Variants in MGAM2 observed in about 807,000 individuals in gnomAD.
MGAM2 encodes probable maltase-glucoamylase 2.
In MGAM2, 98 loss-of-function variants were observed where a neutral mutation model predicts 96.1. The observed-to-expected ratio is 1.02, with a 90% CI of 0.87 to 1.21. The LOEUF (loss-of-function observed/expected upper bound fraction) is 1.21. Among genes scored for constraint, MGAM2 ranks in the 50% most tolerant of loss-of-function variants. MGAM2 has a pLI of 0.00. For synonymous variants in MGAM2, 749 were observed against 414.8 expected (o/e 1.81, Z -9.79); for missense variants, 2,055 against 1,182.4 (o/e 1.74, Z -10.82).
In MGAM2 at chr7:142,154,194, G is replaced by T; in HGVS notation, c.1806+5G>T. The T allele has an allele frequency of 1.7e-6, 1 of 594,526 alleles. No individual in the cohort carries two copies. Among genetic ancestry groups the T allele is most frequent in the South Asian group, 2.0e-5 (1 of 50,410 alleles). 36.8% of individuals were successfully genotyped at this position (594,526 alleles called of 1,614,324 possible). On this transcript the variant is annotated splice_donor_5th_base_variant and intron_variant, in intron 16 of 47. Transcript: ENST00000477922. ...AACCTGTTTGGCATCCCCATGGTGAGCCTTATTTCCAACCAGGGAACTTTA... is the reference window on the plus strand; with the variant it reads ...AACCTGTTTGGCATCCCCATGGTGATCCTTATTTCCAACCAGGGAACTTTA...
At chr7:142,174,356 A>G in intron 31 of MGAM2, among the ~76,000 whole-genome samples, 1 of 152,154 alleles carries the variant, frequency 6.6e-6, no homozygotes, top group Non-Finnish European at 1.5e-5. Flanking sequence ...TTCTTTGAAC[A>G]GTGGTTTGTA....
chr7:142,159,342 C>G lies in MGAM2; in HGVS notation c.2219C>G (p.Thr740Arg). 1 of 702,376 alleles carries G rather than the reference C, an allele frequency of 1.4e-6. No individual in the cohort carries two copies. Among genetic ancestry groups the G allele is most frequent in the Non-Finnish European group, 2.6e-6 (1 of 384,534 alleles). 43.5% of individuals were successfully genotyped at this position (702,376 alleles called of 1,614,324 possible). Residue 740 changes from threonine to arginine, a missense_variant and splice_region_variant, in exon 20 of 48, where the codon ACA (threonine) becomes AGA (arginine). By Grantham distance (71) the Thr-to-Arg change is moderately conservative. Transcript: ENST00000477922. ...IPDATWYDYE[T>R]GVAISWRKQL... ...GATGCCACCTGGTATGACTATGAGACAGTAAGTAAGGCAGCCCTGGTTGGC... is the reference window on the plus strand; with the variant it reads ...GATGCCACCTGGTATGACTATGAGAGAGTAAGTAAGGCAGCCCTGGTTGGC...
At position 142,131,000 on chromosome 7, in the gene MGAM2, A is replaced by G. The variant is rs746128571; in HGVS notation, c.239A>G (p.Asn80Ser). The G allele has an allele frequency of 2.8e-6, 2 of 702,590 alleles. No homozygotes were observed. The highest frequency in any genetic ancestry group is 1.7e-5 in the African/African-American group (1 of 57,254). 43.5% of individuals were successfully genotyped at this position (702,590 alleles called of 1,614,324 possible). A position where few individuals can be genotyped will look rare whatever the true frequency, so the allele number is the denominator to read the frequency against. Residue 80 changes from asparagine to serine, a missense_variant, in exon 4 of 48, where the codon AAT becomes AGT. By Grantham distance (46) the Asn-to-Ser change is conservative. Transcript: ENST00000477922. Reference sequence around the variant, plus strand: ...TGCTGGTCGCCTGTGGCAGATGCCAATGTCCCTAGGTGCTTCTTCCCCTGG... The same window carrying G: ...TGCTGGTCGCCTGTGGCAGATGCCAGTGTCCCTAGGTGCTTCTTCCCCTGG... ...KCCWSPVADA[N>S]VPRCFFPWNW...
intron 17 of MGAM2, among the ~76,000 whole-genome samples, chr7:142,156,547 T>C (rs2129085162): frequency 6.6e-6 from 1 of 152,342 alleles, no homozygotes; most frequent in African/African-American, 2.4e-5. Context: ...TCAATAAACA[T>C]AGTTCAAGTG....
chr7:142,152,188 C>T lies in MGAM2; in HGVS notation c.1635-1830C>T, dbSNP rs894789140. On this transcript the variant is annotated intron_variant, in intron 15 of 47. Coordinates refer to ENST00000477922, the MANE Select transcript of MGAM2 (RefSeq NM_001293626.2). ...AAGATGTTTAAAAAAAAAAAAAAAC[C>T]CAGCAGTTATCTAATCTGTTTTACC... 3.3e-5 allele frequency among the ~76,000 whole-genome samples: 5 copies of T among 151,234 alleles called. No individual in the cohort carries two copies. The East Asian group carries it at 7.8e-4, about 24-fold the overall frequency.
At chr7:142,139,913 AT>A (rs1206694679) in intron 10 of MGAM2, among the ~76,000 whole-genome samples, 4 of 151,986 alleles carry the variant, frequency 2.6e-5, no homozygotes, top group Non-Finnish European at 5.9e-5. Flanking sequence ...TCCAGGAAGA[AT>A]TTTCTTCCGC....
At chr7:142,201,071 CTTTT>C (rs72092512) in intron 45 of MGAM2, among the ~76,000 whole-genome samples, 1 of 84,380 alleles carries the variant, frequency 1.2e-5, no homozygotes, top group Non-Finnish European at 2.1e-5. Context: ...CATCCTTTTT[CTTTT>C]TTTTTTCTTT....
rs979193786 is a variant in MGAM2 at position 142,137,472 on chromosome 7, C to T, written c.887C>T (p.Thr296Met). 46 of 701,898 alleles carry T rather than the reference C, an allele frequency of 6.6e-5. No homozygotes were observed. Among genetic ancestry groups the T allele is most frequent in the African/African-American group, 5.2e-4 (30 of 57,288 alleles). The allele number at this position is 701,898 out of a possible 1,614,324, so 43.5% of individuals were successfully genotyped here. Residue 296 changes from threonine (T) to methionine (M), a missense_variant, in exon 9 of 48, where the codon ACG (threonine) becomes ATG (methionine). Coordinates refer to ENST00000477922, the MANE Select transcript of MGAM2 (RefSeq NM_001293626.2). ...CCAGCTCCTGCGATCACTTATCGCA[C>T]GATTGGAGGCATTCTTGACTTTTAC... Reference protein sequence around the residue: ...LQPAPAITYRTIGGILDFYVF... With the variant: ...LQPAPAITYRMIGGILDFYVF...
chr7:142,129,379 C>G (rs1224561574), intron 3 of MGAM2, among the ~76,000 whole-genome samples: 1 of 152,010 alleles, frequency 6.6e-6, no homozygotes, highest in African/African-American at 2.4e-5. Context: ...CTTTAAGGGA[C>G]TATTGGAAGG....
Position 142,141,024 on chromosome 7 carries a change from C to T in MGAM2, c.1222C>T (p.Pro408Ser), listed in dbSNP as rs761929592. Reference protein sequence around the residue: ...NGQKYLIIMNPGISKNSNYEP... With the variant: ...NGQKYLIIMNSGISKNSNYEP... ...TTATATCGTATTTCTTTATTAGAATCCTGGCATCTCCAAAAACTCTAACTA... is the reference window on the plus strand; with the variant it reads ...TTATATCGTATTTCTTTATTAGAATTCTGGCATCTCCAAAAACTCTAACTA... Residue 408 changes from proline to serine, a missense_variant, in exon 12 of 48, where the codon CCT becomes TCT. Transcript: ENST00000477922. 2.9e-6 allele frequency: 2 copies of T among 696,972 alleles called. No homozygotes were observed. Among genetic ancestry groups the T allele is most frequent in the South Asian group, 3.1e-5 (2 of 65,172 alleles). The allele number at this position is 696,972 out of a possible 1,614,324, so 43.2% of individuals were successfully genotyped here.
At chr7:142,142,524 GTTTTTTTT>G (rs746342532) in intron 12 of MGAM2, among the ~76,000 whole-genome samples, 2 of 78,890 alleles carry the variant, frequency 2.5e-5, no homozygotes, top group African/African-American at 9.9e-5. Context: ...AGTGGTGTGT[GTTTTTTTT>G]TTTTTTTTTT....
At chr7:142,165,300 C>T (rs539497549) in intron 24 of MGAM2, among the ~76,000 whole-genome samples, 1 of 152,284 alleles carries the variant, frequency 6.6e-6, no homozygotes, top group East Asian at 1.9e-4. Flanking sequence ...CTGATCCCAG[C>T]TGTGACATAG....
chr7:142,131,395 G>C (rs115115792), intron 4 of MGAM2, 123 bp from the exon 5 acceptor site: 1 of 622,386 alleles, frequency 1.6e-6, no homozygotes, highest in African/African-American at 1.8e-5. Context: ...CCGAGATCAC[G>C]TCTTGCACTC....
rs1334430067 is a variant in MGAM2 at position 142,189,524 on chromosome 7, C to G, written c.4346+19C>G. On this transcript the variant is annotated intron_variant, in intron 37 of 47. Coordinates refer to ENST00000477922, the MANE Select transcript of MGAM2 (RefSeq NM_001293626.2). ...CATACGAGTGAGTGTCTTTTTGTCA[C>G]AGCAGCAAAGATAATTTTCCACATC... 5.6e-6 allele frequency: 4 copies of G among 719,870 alleles called. No individual in the cohort carries two copies. Among genetic ancestry groups the G allele is most frequent in the Middle Eastern group, 2.3e-4 (1 of 4,266 alleles). The allele number at this position is 719,870 out of a possible 1,614,324, so 44.6% of individuals were successfully genotyped here. A position where few individuals can be genotyped will look rare whatever the true frequency, so the allele number is the denominator to read the frequency against.
intron 10 of MGAM2, among the ~76,000 whole-genome samples, chr7:142,138,909 G>T (rs987786495): frequency 1.3e-4 from 20 of 152,072 alleles, no homozygotes; most frequent in African/African-American, 4.6e-4. Flanking sequence ...GCAATGTTGC[G>T]CCAGTTAATT....
chr7:142,175,939 T>G (rs1393513420), intron 32 of MGAM2, among the ~76,000 whole-genome samples, 159 bp downstream of exon 32: 1 of 152,052 alleles, frequency 6.6e-6, no homozygotes, highest in African/African-American at 2.4e-5. Context: ...CTATAATTAT[T>G]ATTTTTTAAT....
chr7:142,175,947 A>G (rs1199165132), intron 32 of MGAM2, among the ~76,000 whole-genome samples, 167 bp downstream of exon 32: 2 of 152,016 alleles, frequency 1.3e-5, no homozygotes, highest in South Asian at 2.1e-4. Context: ...ATTATTTTTT[A>G]ATTTAAAAGC....
Position 142,175,721 on chromosome 7 carries a change from A to T in MGAM2, c.3757A>T (p.Asn1253Tyr). 1.4e-6 allele frequency: 1 copy of T among 702,886 alleles called. No homozygotes were observed. The highest frequency in any genetic ancestry group is 2.7e-5 in the East Asian group (1 of 37,262). The allele number at this position is 702,886 out of a possible 1,614,324, so 43.5% of individuals were successfully genotyped here. Residue 1253 changes from asparagine (N) to tyrosine (Y), a missense_variant, in exon 32 of 48, where the codon AAC becomes TAC. Physicochemically the swap from Asn to Tyr is moderately radical, Grantham distance 143. Coordinates refer to ENST00000477922, the MANE Select transcript of MGAM2 (RefSeq NM_001293626.2). ...TTTCACCCTCAGTGCCAACTTTCAA[A>T]ACCTCAGTCTTCTGATTGAGCAAAT... ...LDFTLSANFQNLSLLIEQMKK... is the reference protein window; with the variant it reads ...LDFTLSANFQYLSLLIEQMKK...
intron 45 of MGAM2, among the ~76,000 whole-genome samples, chr7:142,201,719 A>G (rs1797240463): frequency 6.6e-6 from 1 of 152,224 alleles, no homozygotes; most frequent in Non-Finnish European, 1.5e-5. Context: ...TTTTGTAAAC[A>G]ATACAGGATA....
Sources: gnomAD v4.1 joint callset for allele counts (sites outside exome capture counted in the v4.1 genomes callset) on GRCh38, gnomAD v4.1.1 for gene constraint, MANE v1.5 for transcripts, NCBI Gene and HGNC (gene_info 2026-07-23, HGNC 2026-07-21) for gene names.